The following MLLT10 variants were observed in gnomAD, a reference collection of about 807,000 sequenced individuals.
MLLT10 encodes the protein MLLT10 histone lysine methyltransferase DOT1L cofactor, also known as protein AF-10.
In MLLT10, 30 loss-of-function variants were observed where a neutral mutation model predicts 129.1. The observed-to-expected ratio is 0.23, with a 90% CI of 0.17 to 0.32. The LOEUF is 0.32. MLLT10 is among the 10% of genes least tolerant of loss of function. The pLI, the probability that MLLT10 is intolerant of heterozygous loss-of-function variation, is 1.00. For synonymous variants in MLLT10, 490 were observed against 446.4 expected, an observed-to-expected ratio of 1.10 and a Z score of -1.23; for missense variants, 1,119 against 1,268.3, an observed-to-expected ratio of 0.88 and a Z score of 1.79.
intron 13 of MLLT10, among the ~76,000 whole-genome samples, chr10:21,704,376 T>C (rs2055284031): frequency 6.9e-6 from 1 of 145,424 alleles, no homozygotes; most frequent in Admixed American, 6.9e-5. Context: ...TATATATATA[T>C]ATATATAATT....
chr10:21,705,944 G>C (rs143965695), intron 13 of MLLT10, among the ~76,000 whole-genome samples: 12 of 152,364 alleles, frequency 7.9e-5, no homozygotes, highest in African/African-American at 2.9e-4. Flanking sequence ...AGAAGTCCAT[G>C]TGGGAATGTT....
At chr10:21,722,521 G>A (rs2057206058) in intron 14 of MLLT10, among the ~76,000 whole-genome samples, 1 of 151,992 alleles carries the variant, frequency 6.6e-6, no homozygotes, top group African/African-American at 2.4e-5. Context: ...TGCCCTTGAT[G>A]CTTCATAACC....
At chr10:21,654,781 A>G (rs201512174) in intron 9 of MLLT10, among the ~76,000 whole-genome samples, 4 of 152,214 alleles carry the variant, frequency 2.6e-5, no homozygotes, top group African/African-American at 9.6e-5. Context: ...CAGGGGGGTT[A>G]TAATGATGGA....
chr10:21,633,670 G>A (rs1322502199), intron 8 of MLLT10, among the ~76,000 whole-genome samples: 1 of 152,136 alleles, frequency 6.6e-6, no homozygotes, highest in East Asian at 1.9e-4. Context: ...CTCCTGCCTG[G>A]ATGACAGAGA....
chr10:21,710,866 C>A (rs2056013050), intron 13 of MLLT10, among the ~76,000 whole-genome samples: 1 of 152,200 alleles, frequency 6.6e-6, no homozygotes, highest in South Asian at 2.1e-4. Flanking sequence ...AGCACAGTTA[C>A]TTCCGTACAG....
At chr10:21,650,601 A>G (rs1398916048) in intron 8 of MLLT10, among the ~76,000 whole-genome samples, 2 of 152,026 alleles carry the variant, frequency 1.3e-5, no homozygotes, top group Admixed American at 1.3e-4. Flanking sequence ...AGGGCCCTCA[A>G]TGGTCTGATT....
intron 9 of MLLT10, among the ~76,000 whole-genome samples, chr10:21,653,086 T>C (rs962372376): frequency 2.0e-5 from 3 of 152,202 alleles, no homozygotes; most frequent in African/African-American, 7.2e-5. Flanking sequence ...AGTTTTCTAT[T>C]GCAGTTGAAA....
At position 21,665,775 on chromosome 10, in the gene MLLT10, C is replaced by A. The variant is rs145089853; in HGVS notation, c.796-4674C>A. 8.3e-3 allele frequency among the ~76,000 whole-genome samples: 1,269 copies of A among 152,152 alleles called. 22 individuals are homozygous for A. The highest frequency in any genetic ancestry group is 0.029 in the African/African-American group (1,210 of 41,468). On this transcript the variant is annotated intron_variant, in intron 9 of 22. Transcript: ENST00000307729. ...ACAGGGTCTTGCTCTGTCTCCCAGGCTGGAGTGCAGTGGCTTGATCTCGGC... is the reference window on the plus strand; with the variant it reads ...ACAGGGTCTTGCTCTGTCTCCCAGGATGGAGTGCAGTGGCTTGATCTCGGC...
intron 10 of MLLT10, among the ~76,000 whole-genome samples, chr10:21,672,268 G>A (rs74672753): frequency 0.019 from 2,857 of 150,350 alleles, 56 homozygotes; most frequent in Middle Eastern, 0.059. Flanking sequence ...TGTGATCACG[G>A]CTCACTGCAA....
intron 5 of MLLT10, among the ~76,000 whole-genome samples, chr10:21,603,855 C>G (rs555883008): frequency 6.6e-6 from 1 of 150,382 alleles, no homozygotes; most frequent in African/African-American, 2.4e-5. Context: ...ACCCTAATCT[C>G]TGCTGCTATC....
intron 13 of MLLT10, among the ~76,000 whole-genome samples, chr10:21,710,902 G>A (rs1299607001): frequency 6.6e-6 from 1 of 152,146 alleles, no homozygotes; most frequent in Non-Finnish European, 1.5e-5. Context: ...TTCAGTTGCT[G>A]TTCCTGTTTC....
intron 7 of MLLT10, among the ~76,000 whole-genome samples, chr10:21,616,031 A>G (rs1034867781): frequency 1.3e-5 from 2 of 152,128 alleles, no homozygotes; most frequent in African/African-American, 4.8e-5. Flanking sequence ...AATAAATACT[A>G]CAAGGGGCCC....
chr10:21,609,472 T>G (rs2131183020), intron 5 of MLLT10, among the ~76,000 whole-genome samples: 1 of 152,334 alleles, frequency 6.6e-6, no homozygotes. Context: ...GCTTTATTGA[T>G]TGATGCATTT....
intron 3 of MLLT10, among the ~76,000 whole-genome samples, chr10:21,540,553 CAGTG>C (rs1245613980): frequency 6.6e-6 from 1 of 151,936 alleles, no homozygotes; most frequent in Non-Finnish European, 1.5e-5. Flanking sequence ...ACAAAAAACA[CAGTG>C]AGGGAGGTAT....
chr10:21,649,363 C>T (rs916677020), intron 8 of MLLT10, among the ~76,000 whole-genome samples: 5 of 152,238 alleles, frequency 3.3e-5, no homozygotes, highest in African/African-American at 1.2e-4. Flanking sequence ...AGGTGTGAGC[C>T]AGTGTGCCTG....
chr10:21,624,970 G>T, intron 8 of MLLT10: 1 of 1,262,764 alleles, frequency 7.9e-7, no homozygotes, highest in Non-Finnish European at 1.1e-6. Flanking sequence ...GAAGCACCCT[G>T]CCCTCCCCTT....
chr10:21,565,393 C>T (rs1219592648), intron 3 of MLLT10, among the ~76,000 whole-genome samples: 1 of 152,072 alleles, frequency 6.6e-6, no homozygotes, highest in South Asian at 2.1e-4. Context: ...CTGCAACCTC[C>T]GCCTTCCGGA....
At chr10:21,586,432 T>A in intron 4 of MLLT10, 84 bp downstream of exon 4, 1 of 1,065,892 alleles carries the variant, frequency 9.4e-7, no homozygotes, top group Non-Finnish European at 1.4e-6. Flanking sequence ...TTTATTTTAT[T>A]TTATCAAATT....
At chr10:21,705,944 G>A (rs143965695) in intron 13 of MLLT10, among the ~76,000 whole-genome samples, 1 of 152,246 alleles carries the variant, frequency 6.6e-6, no homozygotes, top group South Asian at 2.1e-4. Flanking sequence ...AGAAGTCCAT[G>A]TGGGAATGTT....
Sources: allele counts gnomAD v4.1 joint callset (sites outside exome capture counted in the v4.1 genomes callset), GRCh38; gene constraint gnomAD v4.1.1; transcripts MANE v1.5; gene names NCBI Gene and HGNC (gene_info 2026-07-23, HGNC 2026-07-21).